DACH2: variants seen among roughly 807,000 people sequenced by gnomAD.
DACH2 encodes dachshund homolog 2.
In DACH2, 17 loss-of-function variants were observed where a neutral mutation model predicts 35.8. The observed-to-expected ratio is 0.48, with a 90% confidence interval of 0.33 to 0.71. The LOEUF (loss-of-function observed/expected upper bound fraction) is 0.71. Ranked by LOEUF, DACH2 falls within the 30% of genes least tolerant of loss-of-function variation. DACH2 has a pLI of 0.02. For synonymous variants in DACH2, 195 were observed against 177.3 expected, an observed-to-expected ratio of 1.10 and a Z score of -0.79; for missense variants, 469 against 472.7, an observed-to-expected ratio of 0.99 and a Z score of 0.07.
intron 1 of DACH2, among the ~76,000 whole-genome samples, chrX:86,209,693 G>A (rs949783039): frequency 1.8e-5 from 2 of 110,958 alleles, no homozygotes; most frequent in African/African-American, 3.3e-5. Flanking sequence ...CTTCACATGA[G>A]TGAGTGGAAG....
At chrX:86,702,962 C>T (rs1042822414) in intron 5 of DACH2, among the ~76,000 whole-genome samples, 3 of 110,530 alleles carry the variant, frequency 2.7e-5, no homozygotes, top group Admixed American at 9.7e-5. Flanking sequence ...AGGCACATAA[C>T]CAAAAAAAGA....
At chrX:86,246,917 C>T (rs1346679224) in intron 1 of DACH2, among the ~76,000 whole-genome samples, 3 of 111,602 alleles carry the variant, frequency 2.7e-5, no homozygotes, top group Non-Finnish European at 5.7e-5. Context: ...CAACTATTTG[C>T]TGTCTTTAAG....
Position 86,148,989 on chromosome X carries a change from T to C in DACH2, c.369T>C (p.Cys123=). The C allele has an allele frequency of 8.3e-7, 1 of 1,211,343 alleles. No individual in the cohort carries two copies. The highest frequency in any genetic ancestry group is 1.1e-6 in the Non-Finnish European group (1 of 895,421). Residue 123 remains cysteine, a synonymous_variant, in exon 1 of 12, where the codon TGT becomes TGC. Transcript: ENST00000373125. Reference sequence around the variant, plus strand: ...GACTGGATATATCCCCCGTGGTGTGTACTGTTGAGCAGGTCCGGATCCTCC... The same window carrying C: ...GACTGGATATATCCCCCGTGGTGTGCACTGTTGAGCAGGTCCGGATCCTCC... The part of the protein sequence containing the change: ...LKRLDISPVV[C]TVEQVRILRG...
chrX:86,383,611 T>G (rs2148111334), intron 2 of DACH2, among the ~76,000 whole-genome samples: 1 of 102,068 alleles, frequency 9.8e-6, no homozygotes, highest in Non-Finnish European at 2.0e-5. Context: ...AATACTATAA[T>G]ATTACTATAA....
chrX:86,209,915 G>A (rs143662936), intron 1 of DACH2, among the ~76,000 whole-genome samples: 1 of 111,636 alleles, frequency 9.0e-6, no homozygotes, highest in African/African-American at 3.2e-5. Context: ...TTTAGAAGAT[G>A]ATCTCAGCAT....
chrX:86,577,636 G>A (rs975378307), intron 3 of DACH2, among the ~76,000 whole-genome samples: 2 of 111,477 alleles, frequency 1.8e-5, no homozygotes, highest in African/African-American at 6.5e-5. Context: ...ATGCCTTTTT[G>A]TATTCTAATG....
At chrX:86,598,809 T>TTG (rs1556333415) in intron 3 of DACH2, among the ~76,000 whole-genome samples, 3 of 110,198 alleles carry the variant, frequency 2.7e-5, no homozygotes, top group Admixed American at 9.6e-5. Flanking sequence ...TTTTTTTTTT[T>TTG]TGTGTTTATT....
rs182412581 is a variant in DACH2, at chrX:86,816,071, G to A, written c.1722G>A (p.Gly574=). The change falls in exon 11 of 12, where the codon GGG becomes GGA. Residue 574 remains glycine, a synonymous_variant. Transcript: ENST00000373125. ...GIPDIEIENN[G]TPHDSAAMQG... ...CAGATATTGAAATAGAAAACAATGG[G>A]ACTCCTCATGATAGTGCTGCTATGC... 100 of 1,185,302 alleles carry A rather than the reference G, an allele frequency of 8.4e-5. No individual in the cohort carries two copies. In the Admixed American group the frequency reaches 1.2e-3, roughly 14 times the overall value.
intron 1 of DACH2, among the ~76,000 whole-genome samples, chrX:86,293,478 G>A (rs1276920718): frequency 2.8e-5 from 3 of 106,259 alleles, no homozygotes; most frequent in East Asian, 6.0e-4. Flanking sequence ...GATGTTAGCT[G>A]GTTATTTTGC....
intron 3 of DACH2, among the ~76,000 whole-genome samples, chrX:86,599,685 C>T (rs955273683): frequency 1.8e-5 from 2 of 109,462 alleles, no homozygotes; most frequent in African/African-American, 3.3e-5. Context: ...TTGGTAGAGA[C>T]GGGTTTTGCC....
At chrX:86,380,912 A>G (rs965461115) in intron 2 of DACH2, among the ~76,000 whole-genome samples, 2 of 110,457 alleles carry the variant, frequency 1.8e-5, no homozygotes, top group Non-Finnish European at 3.8e-5. Context: ...ATTTATCCGT[A>G]TTGATATATG....
chrX:86,702,758 G>A (rs2041158407), intron 5 of DACH2, among the ~76,000 whole-genome samples: 2 of 111,307 alleles, frequency 1.8e-5, no homozygotes, highest in South Asian at 7.4e-4. Flanking sequence ...ACCAATAACA[G>A]GCAATGAGAT....
At chrX:86,446,288 C>CTTTTTTT (rs753958102) in intron 2 of DACH2, among the ~76,000 whole-genome samples, 20 of 78,056 alleles carry the variant, frequency 2.6e-4, no homozygotes, top group African/African-American at 4.7e-4. Flanking sequence ...AGTCTTGTTT[C>CTTTTTTT]TTTTTTTTTT....
At chrX:86,296,205 C>A (rs1240588979) in intron 1 of DACH2, among the ~76,000 whole-genome samples, 3 of 104,075 alleles carry the variant, frequency 2.9e-5, no homozygotes, top group Non-Finnish European at 5.9e-5. Flanking sequence ...CGGTGAAACC[C>A]CGTCTCTACT....
At chrX:86,266,546 C>A (rs187584741) in intron 1 of DACH2, among the ~76,000 whole-genome samples, 373 of 111,780 alleles carry the variant, frequency 3.3e-3, no homozygotes, top group African/African-American at 9.6e-3. Context: ...TGTCTTCATG[C>A]AAAGTTTCAT....
intron 3 of DACH2, among the ~76,000 whole-genome samples, chrX:86,600,550 A>G (rs2039776949): frequency 8.9e-6 from 1 of 112,031 alleles, no homozygotes; most frequent in African/African-American, 3.2e-5. Flanking sequence ...AAGTCTGTGC[A>G]GTGATTTTTG....
At chrX:86,685,610 A>G (rs931538674) in intron 4 of DACH2, among the ~76,000 whole-genome samples, 1 of 111,222 alleles carries the variant, frequency 9.0e-6, no homozygotes, top group Non-Finnish European at 1.9e-5. Context: ...ATTGTTCAAT[A>G]GTTCAGAAAT....
At chrX:86,340,359 A>C (rs759343677) in intron 1 of DACH2, among the ~76,000 whole-genome samples, 1 of 111,691 alleles carries the variant, frequency 9.0e-6, no homozygotes, top group African/African-American at 3.3e-5. Flanking sequence ...ATCTATGGTC[A>C]GTGATCTTTG....
rs765516802 is a variant in DACH2, at chrX:86,259,143, T to C, written c.488+110035T>C. 2.7e-5 allele frequency among the ~76,000 whole-genome samples: 3 copies of C among 112,137 alleles called. No homozygotes were observed. In the South Asian group the frequency reaches 1.1e-3, roughly 41 times the overall value. ...AATATCAAAATCTAATCTAAAATAG[T>C]TTTAGCCATTTCATGCAGGTGACAT... On this transcript the variant is annotated intron_variant, in intron 1 of 11. Coordinates refer to ENST00000373125, the MANE Select transcript of DACH2 (RefSeq NM_053281.3).
Sources: allele counts gnomAD v4.1 joint callset (sites outside exome capture counted in the v4.1 genomes callset), GRCh38; gene constraint gnomAD v4.1.1; transcripts MANE v1.5; gene names NCBI Gene and HGNC (gene_info 2026-07-23, HGNC 2026-07-21).